TENM3: variants seen among roughly 807,000 people sequenced by gnomAD.
TENM3 encodes the protein teneurin-3.
In TENM3, 63 loss-of-function variants were observed where a neutral mutation model predicts 255.1. The ratio of observed to expected loss-of-function variants is 0.25; its 90% confidence interval spans 0.20 to 0.30. The LOEUF (loss-of-function observed/expected upper bound fraction) is 0.30, where lower values mean the gene tolerates loss of function less well. Ranked by LOEUF, TENM3 falls within the 10% of genes least tolerant of loss-of-function variation. TENM3 has a pLI of 1.00. For synonymous variants in TENM3, 1,306 were observed against 1,322.3 expected, an observed-to-expected ratio of 0.99 and a Z score of 0.27; for missense variants, 2,929 against 3,461.1, an observed-to-expected ratio of 0.85 and a Z score of 3.86.
the TENM3 span, among the ~76,000 whole-genome samples, chr4:181,465,929 C>A: frequency 6.6e-6 from 1 of 152,062 alleles, no homozygotes; most frequent in South Asian, 2.1e-4. Flanking sequence ...GGGAAATAAC[C>A]TTTTCCCTTC....
At chr4:181,553,759 C>T in the TENM3 span, among the ~76,000 whole-genome samples, 1 of 151,994 alleles carries the variant, frequency 6.6e-6, no homozygotes, top group Non-Finnish European at 1.5e-5. Flanking sequence ...GGTCTTTATT[C>T]CCATGGAGTT....
At chr4:182,103,336 G>A in the TENM3 span, among the ~76,000 whole-genome samples, 7,590 of 152,218 alleles carry the variant, frequency 0.05, 619 homozygotes, top group African/African-American at 0.17. Flanking sequence ...CAGAGCAAAG[G>A]TAGAAATCAA....
At chr4:181,936,551 TATGTTGGTGCAAG>T in the TENM3 span, among the ~76,000 whole-genome samples, 2 of 152,182 alleles carry the variant, frequency 1.3e-5, no homozygotes, top group Non-Finnish European at 2.9e-5. Context: ...GATTTTGTCC[TATGTTGGTGCAAG>T]ATGTTGGTGC....
At chr4:181,696,471 G>T in the TENM3 span, among the ~76,000 whole-genome samples, 1 of 152,116 alleles carries the variant, frequency 6.6e-6, no homozygotes, top group Admixed American at 6.5e-5. Context: ...ATCAATAAAC[G>T]TATTAACATG....
chr4:181,742,815 A>C, the TENM3 span, among the ~76,000 whole-genome samples: 9 of 144,996 alleles, frequency 6.2e-5, no homozygotes, highest in Non-Finnish European at 1.2e-4. Flanking sequence ...TCCCAATGTT[A>C]TCCCTCCTCC....
At chr4:181,734,520 T>C in the TENM3 span, among the ~76,000 whole-genome samples, 3 of 152,128 alleles carry the variant, frequency 2.0e-5, no homozygotes, top group East Asian at 1.9e-4. Flanking sequence ...TATGCATATA[T>C]ACACACACAT....
the TENM3 span, among the ~76,000 whole-genome samples, chr4:181,673,177 C>A: frequency 6.6e-6 from 1 of 152,068 alleles, no homozygotes; most frequent in African/African-American, 2.4e-5. Context: ...CTGTTTTATG[C>A]GTATACCTAT....
At chr4:181,677,333 G>C in the TENM3 span, among the ~76,000 whole-genome samples, 1 of 152,076 alleles carries the variant, frequency 6.6e-6, no homozygotes, top group African/African-American at 2.4e-5. Context: ...AAACTTTAGA[G>C]TTCGTTGGTC....
chr4:182,254,850 C>T (rs1758272087), intron 1 of TENM3, among the ~76,000 whole-genome samples: 1 of 152,050 alleles, frequency 6.6e-6, no homozygotes, highest in East Asian at 1.9e-4. Context: ...GCCCATTGCA[C>T]TGATGGAATA....
At chr4:181,448,653 A>G in the TENM3 span, among the ~76,000 whole-genome samples, 1 of 152,194 alleles carries the variant, frequency 6.6e-6, no homozygotes, top group African/African-American at 2.4e-5. Context: ...AATCAAGGAT[A>G]TTGGCTCTGT....
At chr4:182,270,606 C>T (rs1759551676) in intron 1 of TENM3, among the ~76,000 whole-genome samples, 1 of 152,074 alleles carries the variant, frequency 6.6e-6, no homozygotes, top group Non-Finnish European at 1.5e-5. Context: ...GGCATCTGTT[C>T]AGTCTGTTGG....
intron 2 of TENM3, among the ~76,000 whole-genome samples, 174 bp from the exon 3 acceptor site, chr4:182,346,477 G>A (rs575368630): frequency 1.3e-5 from 2 of 151,762 alleles, no homozygotes; most frequent in East Asian, 1.9e-4. Flanking sequence ...CCATAATTGC[G>A]CCCACTTGAT....
the TENM3 span, among the ~76,000 whole-genome samples, chr4:181,874,961 A>C: frequency 1.3e-5 from 2 of 152,196 alleles, no homozygotes; most frequent in African/African-American, 2.4e-5. Flanking sequence ...CCATACAGTT[A>C]TTGTATATAT....
At chr4:181,566,224 T>C in the TENM3 span, among the ~76,000 whole-genome samples, 16 of 152,208 alleles carry the variant, frequency 1.1e-4, no homozygotes, top group Admixed American at 1.0e-3. Flanking sequence ...CTCCCTGAAA[T>C]TGTTGATCAG....
In TENM3 at chr4:182,532,244, C is replaced by G. The variant is rs923088450; in HGVS notation, c.512-68680C>G. ...AAATATGGCTTCTCTAGTCATGGCT[C>G]AGCTGCATACTCTCTCTGTACCTCC... On this transcript the variant is annotated intron_variant, in intron 3 of 27. Coordinates refer to ENST00000511685, the MANE Select transcript of TENM3 (RefSeq NM_001080477.4). 2.6e-5 allele frequency among the ~76,000 whole-genome samples: 4 copies of G among 152,156 alleles called. No individual in the cohort carries two copies. In the East Asian group the frequency reaches 7.7e-4, roughly 29 times the overall value.
intron 3 of TENM3, among the ~76,000 whole-genome samples, chr4:182,587,378 G>A (rs566575504): frequency 6.6e-6 from 1 of 152,174 alleles, no homozygotes; most frequent in Admixed American, 6.5e-5. Flanking sequence ...GACCAACATG[G>A]TGAAACCCCA....
chr4:181,877,168 A>G, the TENM3 span: 1 of 152,114 alleles, frequency 6.6e-6, no homozygotes, highest in Non-Finnish European at 1.5e-5. Context: ...TGGCTTAAGT[A>G]CCGTTAGAGT....
intron 3 of TENM3, among the ~76,000 whole-genome samples, chr4:182,551,599 T>A (rs933112685): frequency 1.2e-4 from 19 of 152,080 alleles, no homozygotes; most frequent in African/African-American, 4.1e-4. Context: ...TAAATATAAT[T>A]TCATAAGAGG....
At chr4:182,316,315 C>G (rs145945652) in intron 1 of TENM3, among the ~76,000 whole-genome samples, 1 of 152,224 alleles carries the variant, frequency 6.6e-6, no homozygotes, top group African/African-American at 2.4e-5. Flanking sequence ...TTCCCCGCAA[C>G]TGAAGCAAGA....
Sources: gnomAD v4.1 joint callset for allele counts (sites outside exome capture counted in the v4.1 genomes callset) on GRCh38, gnomAD v4.1.1 for gene constraint, MANE v1.5 for transcripts, NCBI Gene and HGNC (gene_info 2026-07-23, HGNC 2026-07-21) for gene names.